KCNH7: variants seen among roughly 807,000 people sequenced by gnomAD.
KCNH7 encodes voltage-gated inwardly rectifying potassium channel KCNH7.
A neutral mutation model predicts 120.8 loss-of-function variants in KCNH7; 49 were observed. The observed-to-expected ratio is 0.41, with a 90% CI of 0.32 to 0.51. The LOEUF is 0.51. KCNH7 is among the 20% of genes least tolerant of loss of function. The probability of loss-of-function intolerance (pLI) is 0.38; values close to 1 mark genes in which losing one functional copy is unlikely to be tolerated. For synonymous variants in KCNH7, 547 were observed against 516.1 expected, an observed-to-expected ratio of 1.06 and a Z score of -0.81; for missense variants, 1,097 against 1,446.6, an observed-to-expected ratio of 0.76 and a Z score of 3.92.
chr2:162,730,954 G>A (rs1687705635), intron 2 of KCNH7, among the ~76,000 whole-genome samples: 2 of 151,806 alleles, frequency 1.3e-5, no homozygotes, highest in African/African-American at 4.8e-5. Context: ...AACTTGAATT[G>A]CAGTGAATTA....
chr2:162,681,052 G>A (rs1042604017), intron 2 of KCNH7, among the ~76,000 whole-genome samples: 7 of 151,568 alleles, frequency 4.6e-5, no homozygotes, highest in Admixed American at 1.3e-4. Context: ...TCTTTTATAC[G>A]GTGATTATCT....
At chr2:162,546,222 C>G (rs74886314) in intron 2 of KCNH7, among the ~76,000 whole-genome samples, 5 of 151,806 alleles carry the variant, frequency 3.3e-5, no homozygotes, top group African/African-American at 1.2e-4. Flanking sequence ...AAGCTGAGGC[C>G]GATTTGCGGT....
At chr2:162,513,937 TGAG>T (rs1371064678) in intron 4 of KCNH7, among the ~76,000 whole-genome samples, 1 of 151,798 alleles carries the variant, frequency 6.6e-6, no homozygotes, top group African/African-American at 2.4e-5. Flanking sequence ...AGATTTACTT[TGAG>T]ATCAGCTATC....
At chr2:162,722,768 CTCA>C (rs1247890279) in intron 2 of KCNH7, among the ~76,000 whole-genome samples, 1 of 137,412 alleles carries the variant, frequency 7.3e-6, no homozygotes, top group Non-Finnish European at 1.6e-5. Flanking sequence ...GTCCCATAAA[CTCA>C]TCATCATGTT....
intron 6 of KCNH7, among the ~76,000 whole-genome samples, chr2:162,488,868 A>G (rs546554998): frequency 6.6e-6 from 1 of 152,164 alleles, no homozygotes; most frequent in East Asian, 1.9e-4. Flanking sequence ...TATAAAACCC[A>G]ACAGGTGCTT....
At chr2:162,514,984 A>G (rs982046347) in intron 4 of KCNH7, among the ~76,000 whole-genome samples, 3 of 151,796 alleles carry the variant, frequency 2.0e-5, no homozygotes, top group Non-Finnish European at 4.4e-5. Flanking sequence ...ACATGAATTC[A>G]TAAAACTAAA....
At chr2:162,534,774 T>C (rs1010644071) in intron 3 of KCNH7, among the ~76,000 whole-genome samples, 1 of 151,696 alleles carries the variant, frequency 6.6e-6, no homozygotes, top group African/African-American at 2.4e-5. Context: ...ATAATATTGA[T>C]ACCAACACCT....
intron 2 of KCNH7, among the ~76,000 whole-genome samples, chr2:162,743,429 G>T (rs913710464): frequency 6.6e-6 from 1 of 152,004 alleles, no homozygotes; most frequent in African/African-American, 2.4e-5. Flanking sequence ...CAAACCAGAG[G>T]CTATTTTCAA....
chr2:162,696,386 G>A (rs1355305541), intron 2 of KCNH7, among the ~76,000 whole-genome samples: 1 of 152,054 alleles, frequency 6.6e-6, no homozygotes, highest in East Asian at 1.9e-4. Flanking sequence ...ATAATTTCAG[G>A]TTACTGTAAT....
At chr2:162,672,628 A>G (rs1167091741) in intron 2 of KCNH7, among the ~76,000 whole-genome samples, 1 of 152,032 alleles carries the variant, frequency 6.6e-6, no homozygotes, top group African/African-American at 2.4e-5. Flanking sequence ...GAGCAGAAAA[A>G]ATAGAAATAA....
chr2:162,414,898 G>A (rs1387149041), intron 9 of KCNH7, among the ~76,000 whole-genome samples: 5 of 151,894 alleles, frequency 3.3e-5, no homozygotes, highest in Non-Finnish European at 5.9e-5. Flanking sequence ...GCCTATAGAG[G>A]TAATGACATG....
At chr2:162,616,053 G>C (rs1241038525) in intron 2 of KCNH7, among the ~76,000 whole-genome samples, 1 of 152,118 alleles carries the variant, frequency 6.6e-6, no homozygotes, top group Non-Finnish European at 1.5e-5. Context: ...TTGCTGGAGT[G>C]GAAATCAAGC....
At chr2:162,589,393 G>A (rs1694128377) in intron 2 of KCNH7, among the ~76,000 whole-genome samples, 1 of 152,044 alleles carries the variant, frequency 6.6e-6, no homozygotes, top group Non-Finnish European at 1.5e-5. Context: ...GGAATGAGAG[G>A]TGTGTTTGTG....
intron 2 of KCNH7, among the ~76,000 whole-genome samples, chr2:162,801,890 T>C (rs1684362995): frequency 6.6e-6 from 1 of 151,772 alleles, no homozygotes; most frequent in African/African-American, 2.4e-5. Context: ...TACATCATTA[T>C]GGCCCTGGAG....
intron 2 of KCNH7, among the ~76,000 whole-genome samples, chr2:162,751,426 G>A (rs1028783540): frequency 3.9e-5 from 6 of 152,054 alleles, no homozygotes; most frequent in African/African-American, 1.4e-4. Context: ...GCCATAATTT[G>A]TATTTTGTAC....
chr2:162,459,267 T>C (rs941661566), intron 6 of KCNH7, among the ~76,000 whole-genome samples: 1 of 152,026 alleles, frequency 6.6e-6, no homozygotes, highest in Non-Finnish European at 1.5e-5. Flanking sequence ...GTAATGTATA[T>C]AGTAAGCATC....
intron 2 of KCNH7, among the ~76,000 whole-genome samples, chr2:162,771,731 T>G (rs1478548618): frequency 6.6e-6 from 1 of 152,138 alleles, no homozygotes; most frequent in African/African-American, 2.4e-5. Context: ...GTTGGATTTT[T>G]TTCCTAGCCT....
chr2:162,564,348 C>T (rs1463872730), intron 2 of KCNH7, among the ~76,000 whole-genome samples: 1 of 152,122 alleles, frequency 6.6e-6, no homozygotes, highest in Non-Finnish European at 1.5e-5. Flanking sequence ...TCACAGGTCG[C>T]TGAGTCCCAG....
At chr2:162,685,547 C>T (rs1198138919) in intron 2 of KCNH7, among the ~76,000 whole-genome samples, 1 of 151,966 alleles carries the variant, frequency 6.6e-6, no homozygotes, top group East Asian at 1.9e-4. Context: ...TTGGCAATGG[C>T]TCTATGATGA....
Sources: gnomAD v4.1 joint callset for allele counts (sites outside exome capture counted in the v4.1 genomes callset) on GRCh38, gnomAD v4.1.1 for gene constraint, MANE v1.5 for transcripts, NCBI Gene and HGNC (gene_info 2026-07-23, HGNC 2026-07-21) for gene names.